RECQL5: variants seen among roughly 807,000 people sequenced by gnomAD.
RECQL5 encodes RecQ like helicase 5.
RECQL5 carries 88 observed loss-of-function variants against 103.4 expected under a neutral mutation model. The observed-to-expected ratio is 0.85, with a 90% CI of 0.72 to 1.02. The LOEUF is 1.02. Ranked by LOEUF, RECQL5 falls within the 50% of genes least tolerant of loss-of-function variation. The pLI is 0.00. For synonymous variants in RECQL5, 552 were observed against 507.9 expected (o/e 1.09, Z -1.17); for missense variants, 1,232 against 1,284.3 (o/e 0.96, Z 0.62).
chr17:75,630,855 G>T lies in RECQL5; in HGVS notation c.1586-18C>A. ...GTTCTCATCTGTGGGGGGGGGGGGT[G>T]GTCCTTGGTCCTTTCGCTCCACCTT... is the stretch of plus-strand genomic sequence containing the variant. On this transcript the variant is annotated intron_variant, in intron 11 of 19. Coordinates refer to ENST00000317905, the MANE Select transcript of RECQL5 (RefSeq NM_004259.7). 7.0e-7 allele frequency: 1 copy of T among 1,431,332 alleles called. No homozygotes were observed. Among genetic ancestry groups the T allele is most frequent in the Non-Finnish European group, 9.4e-7 (1 of 1,058,910 alleles). The allele number at this position is 1,431,332 out of a possible 1,614,324, so 88.7% of individuals were successfully genotyped here.
chr17:75,629,117 C>T lies in RECQL5; in HGVS notation c.2306G>A (p.Cys769Tyr), dbSNP rs749776169. The T allele has an allele frequency of 3.1e-5, 50 of 1,613,652 alleles. No individual in the cohort carries two copies. Among genetic ancestry groups the T allele is most frequent in the Non-Finnish European group, 4.2e-5 (49 of 1,180,000 alleles). Residue 769 changes from cysteine (C) to tyrosine (Y), a missense_variant, in exon 16 of 20, where the codon TGC becomes TAC. Transcript: ENST00000317905. ...CAGAGCTGGGCTTTCCACCCTTCGGCAGAAGAAGCGGGCGATGCTCTGAGA... is the reference window on the plus strand; with the variant it reads ...CAGAGCTGGGCTTTCCACCCTTCGGTAGAAGAAGCGGGCGATGCTCTGAGA... ...KDSQSIARFF[C>Y]RRVESPALLA...
chr17:75,654,291 G>A (rs997277250), intron 7 of RECQL5, among the ~76,000 whole-genome samples: 5 of 152,066 alleles, frequency 3.3e-5, no homozygotes, highest in Non-Finnish European at 7.4e-5. Context: ...ATTTCGATAG[G>A]AGCCAGAGAT....
At chr17:75,641,075 G>T in intron 8 of RECQL5, 1 of 1,177,368 alleles carries the variant, frequency 8.5e-7, no homozygotes, top group South Asian at 1.6e-5. Context: ...ACAAGGGCTG[G>T]TATAGGTGCA....
chr17:75,632,698 G>T (rs1482855628), intron 8 of RECQL5, among the ~76,000 whole-genome samples: 4 of 152,216 alleles, frequency 2.6e-5, no homozygotes, highest in Non-Finnish European at 5.9e-5. Context: ...TCTGCATGGG[G>T]GTGGCTGTCG....
chr17:75,630,442 A>G, intron 13 of RECQL5, 165 bp from the exon 14 acceptor site: 1 of 867,800 alleles, frequency 1.2e-6, no homozygotes, highest in East Asian at 2.7e-5. Context: ...AGCTGCTGGT[A>G]GCACCTAAGT....
rs778080212 is a variant in RECQL5, at chr17:75,651,233, G to A, written c.1182C>T (p.Ala394=). ...CCAGGGCATCAAAGGCCATGATAGT[G>A]GCTTTATCAGATGCTTTGTTTCCTC... The part of the protein sequence containing the change: ...EKRGNKASDK[A]TIMAFDALVT... The change falls in exon 8 of 20, where the codon GCC becomes GCT. Residue 394 remains alanine (A), a synonymous_variant. Transcript: ENST00000317905. 2.5e-6 allele frequency: 4 copies of A among 1,614,186 alleles called. No homozygotes were observed. The South Asian group carries it at 3.3e-5, about 13-fold the overall frequency.
intron 7 of RECQL5, among the ~76,000 whole-genome samples, chr17:75,653,653 C>A (rs2059582071): frequency 1.3e-5 from 2 of 152,136 alleles, no homozygotes; most frequent in Non-Finnish European, 2.9e-5. Context: ...AATCCCAGAA[C>A]TTTGGGAGGC....
At chr17:75,631,691 G>A (rs978021911) in intron 8 of RECQL5, 23 bp from the exon 9 acceptor site, 9 of 1,602,482 alleles carry the variant, frequency 5.6e-6, no homozygotes, top group Non-Finnish European at 7.7e-6. Flanking sequence ...GCACCGCAGA[G>A]GTGAGGGGCG....
Position 75,640,304 on chromosome 17 carries a change from T to C in RECQL5, c.1230-8636A>G. On this transcript the variant is annotated intron_variant, in intron 8 of 19. Coordinates refer to ENST00000317905, the MANE Select transcript of RECQL5 (RefSeq NM_004259.7). This position sits in a 1 kb window ranked among gnomAD's most constrained non-coding sequence, Gnocchi z 4.6. Reference sequence around the variant, plus strand: ...GGCTGAGCCCGTGGAGATCGTGGCCTTCTCAGTCATCATCCTTTTCACAGG... The same window carrying C: ...GGCTGAGCCCGTGGAGATCGTGGCCCTCTCAGTCATCATCCTTTTCACAGG... 6.5e-7 allele frequency: 1 copy of C among 1,549,896 alleles called. No homozygotes were observed. The highest frequency in any genetic ancestry group is 1.2e-5 in the South Asian group (1 of 83,822).
chr17:75,647,439 C>G, intron 8 of RECQL5: 7 of 1,550,132 alleles, frequency 4.5e-6, no homozygotes, highest in Non-Finnish European at 6.1e-6. Flanking sequence ...ACCCCTGGGA[C>G]CAGGGGGGCC....
chr17:75,629,835 T>A lies in RECQL5; in HGVS notation c.1820A>T (p.Asp607Val). The A allele has an allele frequency of 6.2e-7, 1 of 1,607,630 alleles. No individual in the cohort carries two copies. The highest frequency in any genetic ancestry group is 8.5e-7 in the Non-Finnish European group (1 of 1,176,190). The change falls in exon 15 of 20, where the codon GAT becomes GTT. Residue 607 changes from aspartate (D) to valine (V), a missense_variant. Transcript: ENST00000317905. Reference protein sequence around the residue: ...YKASVLKKVADIHRASKDGQP... With the variant: ...YKASVLKKVAVIHRASKDGQP... ...CCCATCCTTGGAGGCTCTGTGGATA[T>A]CGGCCACCTGGGCAGGGATAGGCAG...
At position 75,629,372 on chromosome 17, in the gene RECQL5, TG is replaced by T. The variant is rs746404568; in HGVS notation, c.2050del (p.Gln684SerfsTer70). 6.6e-7 allele frequency: 1 copy of T among 1,511,496 alleles called. No individual in the cohort carries two copies. The highest frequency in any genetic ancestry group is 1.4e-5 in the African/African-American group (1 of 71,680). The allele number at this position is 1,511,496 out of a possible 1,614,324, so 93.6% of individuals were successfully genotyped here. A position where few individuals can be genotyped will look rare whatever the true frequency, so the allele number is the denominator to read the frequency against. On this transcript the variant is annotated frameshift_variant, in exon 16 of 20. Coordinates refer to ENST00000317905, the MANE Select transcript of RECQL5 (RefSeq NM_004259.7). LOFTEE classifies it high-confidence loss of function. Reference sequence around the variant, plus strand: ...CTCGTGCTCGCCTCCCCGCTCGGGCTGGGGGGCTTGCTCCCTGATCCGAGTT... The same window carrying T: ...CTCGTGCTCGCCTCCCCGCTCGGGCTGGGGGCTTGCTCCCTGATCCGAGTT... ...ETTRIREQAPQPERGGEHEPP... is the reference protein window; with the variant it reads ...ETTRIREQAPXPERGGEHEPP...
Position 75,640,864 on chromosome 17 carries a change from C to T in RECQL5, c.1230-9196G>A. 1 of 1,547,750 alleles carries T rather than the reference C, an allele frequency of 6.5e-7. No individual in the cohort carries two copies. Among genetic ancestry groups the T allele is most frequent in the Non-Finnish European group, 8.7e-7 (1 of 1,146,970 alleles). On this transcript the variant is annotated intron_variant, in intron 8 of 19. Coordinates refer to ENST00000317905, the MANE Select transcript of RECQL5 (RefSeq NM_004259.7). This position sits in a 1 kb window ranked among gnomAD's most constrained non-coding sequence, Gnocchi z 4.6. ...ACTGCTGCTGCCCTGAGCGGAGAGG[C>T]AGGAAGGTCCAGGTGCAGCCGACAC...
rs2059402259 is a variant in RECQL5, at chr17:75,639,942, C to A, written c.1230-8274G>T. 4 of 407,366 alleles carry A rather than the reference C, an allele frequency of 9.8e-6. No individual in the cohort carries two copies. In the South Asian group the frequency reaches 2.2e-4, roughly 23 times the overall value. The allele number at this position is 407,366 out of a possible 1,614,324, so 25.2% of individuals were successfully genotyped here. Reference sequence around the variant, plus strand: ...CCGCCTTGGCCGGCAGCCCCCGAAGCAAGCCCTTGGTCTCACTGTCCTCAC... The same window carrying A: ...CCGCCTTGGCCGGCAGCCCCCGAAGAAAGCCCTTGGTCTCACTGTCCTCAC... On this transcript the variant is annotated intron_variant, in intron 8 of 19. Transcript: ENST00000317905.
rs2059413111 is a variant in RECQL5 at position 75,640,371 on chromosome 17, T to A, written c.1230-8703A>T. The A allele has an allele frequency of 6.7e-7, 1 of 1,499,118 alleles. No homozygotes were observed. The highest frequency in any genetic ancestry group is 8.9e-7 in the Non-Finnish European group (1 of 1,118,418). The allele number at this position is 1,499,118 out of a possible 1,614,324, so 92.9% of individuals were successfully genotyped here. A position where few individuals can be genotyped will look rare whatever the true frequency, so the allele number is the denominator to read the frequency against. ...GCACCCCATGGCTCTCCCTGGCATC[T>A]GGGAGAGACCACACCATGGTGCCAG... On this transcript the variant is annotated intron_variant, in intron 8 of 19. Transcript: ENST00000317905. The surrounding 1 kb of genome is among the most constrained non-coding windows in gnomAD (Gnocchi z 4.6).
At chr17:75,663,413 A>G (rs977729802) in intron 3 of RECQL5, among the ~76,000 whole-genome samples, 1 of 151,954 alleles carries the variant, frequency 6.6e-6, no homozygotes, top group Non-Finnish European at 1.5e-5. Context: ...AATAATAATA[A>G]TTTTGTGCAT....
chr17:75,653,533 C>T (rs540945178), intron 7 of RECQL5, among the ~76,000 whole-genome samples: 10 of 152,262 alleles, frequency 6.6e-5, no homozygotes, highest in South Asian at 2.1e-4. Context: ...TATTCATCAG[C>T]GGCCTTTTTT....
Position 75,629,138 on chromosome 17 carries a change from T to G in RECQL5, c.2285A>C (p.Gln762Pro). 3 of 1,613,814 alleles carry G rather than the reference T, an allele frequency of 1.9e-6. No individual in the cohort carries two copies. The highest frequency in any genetic ancestry group is 2.5e-6 in the Non-Finnish European group (3 of 1,179,988). The change falls in exon 16 of 20, where the codon CAG (glutamine) becomes CCG (proline). Residue 762 changes from glutamine to proline, a missense_variant. Transcript: ENST00000317905. ...LLATAAHKDSQSIARFFCRRV... is the reference protein window; with the variant it reads ...LLATAAHKDSPSIARFFCRRV... ...TCGGCAGAAGAAGCGGGCGATGCTC[T>G]GAGAATCCTTGTGGGCCGCTGTGGC...
intron 7 of RECQL5, among the ~76,000 whole-genome samples, chr17:75,656,923 T>C (rs952083767): frequency 6.6e-6 from 1 of 152,146 alleles, no homozygotes; most frequent in Non-Finnish European, 1.5e-5. Flanking sequence ...TTTTTGTATT[T>C]TTAGTAGAGA....
Sources: allele counts gnomAD v4.1 joint callset (sites outside exome capture counted in the v4.1 genomes callset), GRCh38; gene constraint gnomAD v4.1.1; non-coding constraint Gnocchi (gnomAD v3.1); transcripts MANE v1.5; gene names NCBI Gene and HGNC (gene_info 2026-07-23, HGNC 2026-07-21).